PICALM: variants seen among roughly 807,000 people sequenced by gnomAD.
The protein encoded by PICALM is phosphatidylinositol binding clathrin assembly protein, also known as phosphatidylinositol-binding clathrin assembly protein.
A neutral mutation model predicts 80.5 loss-of-function variants in PICALM; 40 were observed. The observed-to-expected ratio is 0.50, with a 90% CI of 0.39 to 0.65. PICALM has a LOEUF of 0.65. Among genes scored for constraint, PICALM ranks in the 30% least tolerant of loss-of-function variants. The pLI is 0.00. For synonymous variants in PICALM, 288 were observed against 260.3 expected (o/e 1.11, Z -1.02); for missense variants, 676 against 778.9 (o/e 0.87, Z 1.57).
rs4944550 is a variant in PICALM, at chr11:85,974,531, C to T, written c.1944+177G>A. 0.17 allele frequency: 120,703 copies of T among 709,054 alleles called. 12,636 individuals are homozygous for T. Among genetic ancestry groups the T allele is most frequent in the Non-Finnish European group, 0.21 (80,392 of 382,222 alleles). The allele number at this position is 709,054 out of a possible 1,614,324, so 43.9% of individuals were successfully genotyped here. ...TATTTGCTATCTACTTATCCTTTCCCTCCAAATAATCAATATTCCTAAAGC... is the reference window on the plus strand; with the variant it reads ...TATTTGCTATCTACTTATCCTTTCCTTCCAAATAATCAATATTCCTAAAGC... On this transcript the variant is annotated intron_variant, in intron 19 of 19. Coordinates refer to ENST00000393346, the MANE Select transcript of PICALM (RefSeq NM_007166.4).
chr11:86,053,367 G>C (rs975463376), intron 1 of PICALM, among the ~76,000 whole-genome samples: 1 of 152,180 alleles, frequency 6.6e-6, no homozygotes, highest in Admixed American at 6.5e-5. Context: ...GACTATGTCT[G>C]GATGTCACTT....
chr11:86,000,627 T>C lies in PICALM; in HGVS notation c.1154+16A>G. ...GAACCTACATATTCAAAGGTAACCT[T>C]AACTTCTACTCCTACCTGTTAGAAG... On this transcript the variant is annotated intron_variant, in intron 11 of 19. Transcript: ENST00000393346. The C allele has an allele frequency of 6.2e-7, 1 of 1,602,050 alleles. No homozygotes were observed. Among genetic ancestry groups the C allele is most frequent in the Non-Finnish European group, 8.5e-7 (1 of 1,175,752 alleles).
At chr11:85,970,457 C>CA in intron 19 of PICALM, among the ~76,000 whole-genome samples, 1 of 152,270 alleles carries the variant, frequency 6.6e-6, no homozygotes, top group East Asian at 1.9e-4. Flanking sequence ...AGGGAGGCTT[C>CA]ATGAGGTTGT....
chr11:86,062,609 T>C (rs745346674), intron 1 of PICALM, among the ~76,000 whole-genome samples: 1 of 152,150 alleles, frequency 6.6e-6, no homozygotes, highest in Non-Finnish European at 1.5e-5. Context: ...TGTACCACTT[T>C]CGTGGGGGAT....
intron 17 of PICALM, among the ~76,000 whole-genome samples, chr11:85,979,140 A>T (rs2094365018): frequency 6.6e-6 from 1 of 152,194 alleles, no homozygotes; most frequent in African/African-American, 2.4e-5. Context: ...TACATGTTTA[A>T]GATTGTGTAT....
intron 1 of PICALM, among the ~76,000 whole-genome samples, chr11:86,060,491 C>T (rs1371927940): frequency 6.6e-6 from 1 of 152,112 alleles, no homozygotes; most frequent in Non-Finnish European, 1.5e-5. Flanking sequence ...ACACACACAT[C>T]ACACAGCCTC....
intron 1 of PICALM, among the ~76,000 whole-genome samples, chr11:86,039,998 C>T (rs1219069377): frequency 3.7e-4 from 41 of 110,378 alleles, no homozygotes; most frequent in African/African-American, 1.3e-3. Flanking sequence ...AGCATGACGC[C>T]GTCTCAAAAA....
At chr11:86,005,085 G>C (rs1379971112) in intron 8 of PICALM, among the ~76,000 whole-genome samples, 1 of 152,118 alleles carries the variant, frequency 6.6e-6, no homozygotes, top group African/African-American at 2.4e-5. Context: ...GACACTACTG[G>C]TATATCCATA....
chr11:86,014,731 CT>C, intron 5 of PICALM, 138 bp downstream of exon 5: 1 of 477,692 alleles, frequency 2.1e-6, no homozygotes, highest in Non-Finnish European at 3.6e-6. Flanking sequence ...TGACTTGAGA[CT>C]ATTTTATAAA....
At chr11:86,068,541 A>C (rs2096480399) in intron 1 of PICALM, 110 bp downstream of exon 1, 2 of 1,038,496 alleles carry the variant, frequency 1.9e-6, no homozygotes, top group Non-Finnish European at 2.7e-6. Context: ...GCCAGAGAAG[A>C]CGCAGGGAGG....
At position 86,014,966 on chromosome 11, in the gene PICALM, G is replaced by A; in HGVS notation, c.453-3C>T. The A allele has an allele frequency of 6.4e-7, 1 of 1,551,802 alleles. No homozygotes were observed. The highest frequency in any genetic ancestry group is 8.8e-7 in the Non-Finnish European group (1 of 1,138,696). On this transcript the variant is annotated splice_polypyrimidine_tract_variant and splice_region_variant and intron_variant, in intron 4 of 19. Transcript: ENST00000393346. ...TTGTTCTCATAACTCCATCAGCCCTGTTATGAAAAAACCAGAGAAATAAAC... is the reference window on the plus strand; with the variant it reads ...TTGTTCTCATAACTCCATCAGCCCTATTATGAAAAAACCAGAGAAATAAAC...
intron 1 of PICALM, among the ~76,000 whole-genome samples, chr11:86,033,255 AGTGCATG>A (rs962077420): frequency 7.0e-6 from 1 of 143,298 alleles, no homozygotes; most frequent in Non-Finnish European, 1.5e-5. Flanking sequence ...AATACTATAT[AGTGCATG>A]GTGCATGGTG....
chr11:86,067,408 C>G (rs530342985), intron 1 of PICALM, among the ~76,000 whole-genome samples: 10 of 152,294 alleles, frequency 6.6e-5, no homozygotes, highest in African/African-American at 2.4e-4. Flanking sequence ...GGTCTAAGCT[C>G]CATTGGCTTG....
intron 8 of PICALM, among the ~76,000 whole-genome samples, chr11:86,006,604 G>C (rs1161369375): frequency 2.0e-5 from 3 of 152,194 alleles, no homozygotes; most frequent in Admixed American, 1.3e-4. Flanking sequence ...CTGAGATCAT[G>C]CCACTGCACT....
intron 1 of PICALM, among the ~76,000 whole-genome samples, chr11:86,064,349 G>C (rs2096412223): frequency 1.3e-5 from 2 of 152,102 alleles, no homozygotes; most frequent in Admixed American, 6.6e-5. Flanking sequence ...AAATTAACTG[G>C]GGAAAATATG....
intron 1 of PICALM, among the ~76,000 whole-genome samples, chr11:86,044,584 G>A (rs944642589): frequency 9.1e-4 from 5 of 5,480 alleles, no homozygotes; most frequent in African/African-American, 7.8e-3. Flanking sequence ...TTTATTACAC[G>A]ATTAAGTGAC....
upstream of PICALM, chr11:86,069,376 G>T (rs1192226315): frequency 5.8e-5 from 9 of 155,512 alleles, no homozygotes; most frequent in African/African-American, 2.2e-4. Context: ...CGCCGGGCGG[G>T]GCGGGGCGGG....
chr11:86,055,253 T>C (rs1195928699), intron 1 of PICALM, among the ~76,000 whole-genome samples: 1 of 148,978 alleles, frequency 6.7e-6, no homozygotes, highest in Non-Finnish European at 1.5e-5. Context: ...TCGCTTGAAC[T>C]CAGGAGGCGG....
chr11:86,068,024 G>A (rs2096470497), intron 1 of PICALM, among the ~76,000 whole-genome samples: 1 of 152,230 alleles, frequency 6.6e-6, no homozygotes, highest in African/African-American at 2.4e-5. Context: ...TATTTAAAAT[G>A]AGTCGAAGAA....
Sources: allele counts gnomAD v4.1 joint callset (sites outside exome capture counted in the v4.1 genomes callset), GRCh38; gene constraint gnomAD v4.1.1; transcripts MANE v1.5; gene names NCBI Gene and HGNC (gene_info 2026-07-23, HGNC 2026-07-21).